Variants in PHF20 observed in about 807,000 individuals in gnomAD.
PHF20 encodes glioma-expressed antigen 2.
A neutral mutation model predicts 113.5 loss-of-function variants in PHF20; 23 were observed. That is an observed-to-expected ratio of 0.20 (90% confidence interval 0.15 to 0.29). The LOEUF is 0.29. PHF20 is among the 10% of genes least tolerant of loss of function. The pLI is 1.00. For synonymous variants in PHF20, 434 were observed against 457.3 expected (o/e 0.95, Z 0.65); for missense variants, 943 against 1,219.6 (o/e 0.77, Z 3.38).
At chr20:35,876,497 G>T (rs1276869032) in intron 9 of PHF20, among the ~76,000 whole-genome samples, 2 of 152,098 alleles carry the variant, frequency 1.3e-5, no homozygotes, top group South Asian at 4.1e-4. Context: ...CTTGAACCTG[G>T]GAGGTGGAGG....
intron 2 of PHF20, among the ~76,000 whole-genome samples, chr20:35,814,101 TCTGGGCA>T (rs1461299424): frequency 1.3e-5 from 2 of 152,010 alleles, no homozygotes; most frequent in Admixed American, 1.3e-4. Flanking sequence ...GAAATTTAGC[TCTGGGCA>T]CTGGGTGTGT....
intron 1 of PHF20, among the ~76,000 whole-genome samples, chr20:35,784,922 G>A (rs1327353376): frequency 1.3e-5 from 2 of 152,044 alleles, no homozygotes; most frequent in Admixed American, 1.3e-4. Context: ...GTGGTGGCAC[G>A]TGCCTGTAGT....
intron 9 of PHF20, among the ~76,000 whole-genome samples, chr20:35,875,818 A>G (rs1159242279): frequency 6.6e-6 from 1 of 152,188 alleles, no homozygotes; most frequent in Admixed American, 6.5e-5. Flanking sequence ...GAAACACGCC[A>G]TGCATATAAG....
intron 17 of PHF20, among the ~76,000 whole-genome samples, chr20:35,947,150 G>A (rs1377514235): frequency 6.6e-6 from 1 of 152,214 alleles, no homozygotes; most frequent in South Asian, 2.1e-4. Context: ...TTCCTCAGTT[G>A]CATTAGCCAT....
intron 17 of PHF20, 21 bp from the exon 18 acceptor site, chr20:35,947,464 A>G: frequency 6.2e-7 from 1 of 1,611,784 alleles, no homozygotes; most frequent in South Asian, 1.1e-5. Flanking sequence ...ACTAGGTCTC[A>G]TCTCTCTCTT....
chr20:35,910,791 G>A (rs2055285591), intron 10 of PHF20, among the ~76,000 whole-genome samples: 1 of 151,912 alleles, frequency 6.6e-6, no homozygotes, highest in South Asian at 2.1e-4. Flanking sequence ...ACCACACCCA[G>A]CTAATTTTTG....
intron 2 of PHF20, among the ~76,000 whole-genome samples, chr20:35,807,001 T>G (rs190034668): frequency 1.3e-5 from 2 of 152,060 alleles, no homozygotes; most frequent in African/African-American, 2.4e-5. Flanking sequence ...TTCACTGTGT[T>G]AGCCAGGATG....
chr20:35,848,704 A>G (rs1232829213), intron 4 of PHF20, among the ~76,000 whole-genome samples: 1 of 152,010 alleles, frequency 6.6e-6, no homozygotes, highest in East Asian at 1.9e-4. Flanking sequence ...CTATGAAAAA[A>G]AAATTAGATG....
At chr20:35,923,322 C>T (rs969454864) in intron 13 of PHF20, among the ~76,000 whole-genome samples, 2 of 151,894 alleles carry the variant, frequency 1.3e-5, no homozygotes, top group African/African-American at 4.8e-5. Flanking sequence ...TTTTAATGGC[C>T]TAGCACTGTG....
In PHF20 at chr20:35,804,396, A is replaced by G. The variant is rs550636594; in HGVS notation, c.83+2791A>G. On this transcript the variant is annotated intron_variant, in intron 2 of 17. Transcript: ENST00000374012. ...CTACAGGCACCCACCACCATGCCCA[A>G]CTAATTTTTTTGTATTTTTTTAGTA... Among the ~76,000 whole-genome samples, 17 of 151,630 alleles carry G rather than the reference A, an allele frequency of 1.1e-4. No individual in the cohort carries two copies. In the East Asian group the frequency reaches 3.3e-3, roughly 29 times the overall value.
chr20:35,803,209 G>T (rs1475196176), intron 2 of PHF20, among the ~76,000 whole-genome samples: 3 of 142,458 alleles, frequency 2.1e-5, no homozygotes, highest in African/African-American at 5.2e-5. Context: ...CCAAGATCGC[G>T]CCACTGCACT....
chr20:35,885,467 C>CTTTTTTTTTTTTTTTTT (rs577878410), intron 9 of PHF20, among the ~76,000 whole-genome samples: 7 of 35,724 alleles, frequency 2.0e-4, no homozygotes, highest in South Asian at 6.2e-4. Flanking sequence ...GGGGAATAAG[C>CTTTTTTTTTTTTTTTTT]TTTTTTTTTT....
chr20:35,793,834 C>T (rs1050394203), intron 1 of PHF20, among the ~76,000 whole-genome samples: 5 of 148,484 alleles, frequency 3.4e-5, no homozygotes, highest in African/African-American at 1.2e-4. Flanking sequence ...ACTGTCTCTA[C>T]TAAAAATACA....
intron 3 of PHF20, 100 bp downstream of exon 3, chr20:35,842,844 T>A: frequency 1.1e-6 from 1 of 927,810 alleles, no homozygotes; most frequent in South Asian, 1.6e-5. Context: ...GACCAGTTCT[T>A]ATTTAGGCCT....
chr20:35,802,719 C>T (rs1679262491), intron 2 of PHF20, among the ~76,000 whole-genome samples: 1 of 150,348 alleles, frequency 6.7e-6, no homozygotes, highest in African/African-American at 2.5e-5. Context: ...GGGTGGATCA[C>T]CTGAGGTCTG....
At chr20:35,873,690 C>A (rs2054468792) in intron 9 of PHF20, among the ~76,000 whole-genome samples, 1 of 151,164 alleles carries the variant, frequency 6.6e-6, no homozygotes, top group African/African-American at 2.4e-5. Context: ...GGCTGGTTGT[C>A]TGTTTATATT....
At chr20:35,844,878 A>C (rs1419163134) in intron 3 of PHF20, among the ~76,000 whole-genome samples, 1 of 152,164 alleles carries the variant, frequency 6.6e-6, no homozygotes, top group African/African-American at 2.4e-5. Context: ...TAAGCATTTA[A>C]ATTTGTGATA....
intron 9 of PHF20, among the ~76,000 whole-genome samples, chr20:35,897,513 C>T (rs2055007900): frequency 6.6e-6 from 1 of 150,622 alleles, no homozygotes; most frequent in South Asian, 2.1e-4. Flanking sequence ...ATAGTTCCCC[C>T]ATAGTGCTGT....
chr20:35,827,707 C>A (rs548763226), intron 2 of PHF20, among the ~76,000 whole-genome samples: 1 of 149,186 alleles, frequency 6.7e-6, no homozygotes, highest in African/African-American at 2.5e-5. Flanking sequence ...GGTGTGAACC[C>A]GGGAGGCGGA....
Sources: allele counts gnomAD v4.1 joint callset (sites outside exome capture counted in the v4.1 genomes callset), GRCh38; gene constraint gnomAD v4.1.1; transcripts MANE v1.5; gene names NCBI Gene and HGNC (gene_info 2026-07-23, HGNC 2026-07-21).